The following EFCAB7 variants were observed in gnomAD, a reference collection of about 807,000 sequenced individuals.
EFCAB7 encodes the protein EF-hand calcium-binding domain-containing protein 7.
Under a neutral mutation model 77.1 loss-of-function variants are expected in EFCAB7, and 66 were observed. The ratio of observed to expected loss-of-function variants is 0.86; its 90% confidence interval spans 0.70 to 1.05. The LOEUF (loss-of-function observed/expected upper bound fraction) is 1.05, where lower values mean the gene tolerates loss of function less well. EFCAB7 is among the 50% of genes least tolerant of loss of function. The pLI is 0.00. For synonymous variants in EFCAB7, 225 were observed against 243.3 expected (o/e 0.92, Z 0.70); for missense variants, 638 against 730.5 (o/e 0.87, Z 1.46).
At chr1:63,582,745 C>T in the EFCAB7 span, among the ~76,000 whole-genome samples, 3 of 152,104 alleles carry the variant, frequency 2.0e-5, no homozygotes, top group Non-Finnish European at 4.4e-5. Context: ...GCTGGGACTA[C>T]GGGTGTATGC....
chr1:63,545,000 C>T (rs1646880054), intron 6 of EFCAB7, among the ~76,000 whole-genome samples: 1 of 149,138 alleles, frequency 6.7e-6, no homozygotes, highest in Non-Finnish European at 1.5e-5. Context: ...CTCACTGCAA[C>T]CTCTGCCTCC....
chr1:63,585,191 A>G, the EFCAB7 span, among the ~76,000 whole-genome samples: 123 of 151,880 alleles, frequency 8.1e-4, 1 homozygote, highest in Admixed American at 2.2e-3. Flanking sequence ...TTTAACAGCT[A>G]CAGGATATTC....
chr1:63,530,854 T>A lies in EFCAB7; in HGVS notation c.188-966T>A, dbSNP rs140245779. Among the ~76,000 whole-genome samples, 13 of 152,356 alleles carry A rather than the reference T, an allele frequency of 8.5e-5. 1 individual carries two copies. The highest frequency in any genetic ancestry group is 1.8e-4 in the Non-Finnish European group (12 of 68,016). ...TTCTTAAATGAATGATTTTCTCATT[T>A]CATTAAGATATTTGTTTTTTAAATT... is the stretch of plus-strand genomic sequence containing the variant. On this transcript the variant is annotated intron_variant, in intron 2 of 13. Coordinates refer to ENST00000371088, the MANE Select transcript of EFCAB7 (RefSeq NM_032437.4).
intron 10 of EFCAB7, among the ~76,000 whole-genome samples, chr1:63,557,532 G>A (rs79209852): frequency 0.021 from 3,245 of 152,104 alleles, 122 homozygotes; most frequent in African/African-American, 0.074. Context: ...TTGTCCTTGC[G>A]CTTGATACCA....
At chr1:63,585,124 A>G in the EFCAB7 span, among the ~76,000 whole-genome samples, 1 of 151,342 alleles carries the variant, frequency 6.6e-6, no homozygotes, top group East Asian at 1.9e-4. Flanking sequence ...AGAAACATCT[A>G]GGCATGAAGA....
chr1:63,557,119 C>G lies in EFCAB7; in HGVS notation c.1220C>G (p.Thr407Ser). The G allele has an allele frequency of 6.3e-7, 1 of 1,576,338 alleles. No individual in the cohort carries two copies. The highest frequency in any genetic ancestry group is 8.6e-7 in the Non-Finnish European group (1 of 1,165,262). The change falls in exon 10 of 14, where the codon ACT becomes AGT. Residue 407 changes from threonine (T) to serine (S), a missense_variant. Physicochemically the swap from Thr to Ser is moderately conservative, Grantham distance 58. Coordinates refer to ENST00000371088, the MANE Select transcript of EFCAB7 (RefSeq NM_032437.4). ...AGCTATTTTTATAATTTTAGGTCTA[C>G]TTTATCAGATATATTTGAAGTAATT... ...ELFLTKEFKS[T>S]LSDIFEVIDL... is the part of the protein sequence containing the mutation.
intron 8 of EFCAB7, among the ~76,000 whole-genome samples, chr1:63,553,929 G>C (rs1008589962): frequency 6.6e-6 from 1 of 152,062 alleles, no homozygotes; most frequent in Non-Finnish European, 1.5e-5. Context: ...TGAACTCCTG[G>C]GTGAAAATGA....
chr1:63,562,808 T>C (rs1195235528), intron 11 of EFCAB7, among the ~76,000 whole-genome samples: 2 of 152,096 alleles, frequency 1.3e-5, no homozygotes, highest in Non-Finnish European at 2.9e-5. Flanking sequence ...TACATTTGTT[T>C]ATACTCTTAA....
chr1:63,528,067 C>T (rs1255236761), intron 2 of EFCAB7: 1 of 152,196 alleles, frequency 6.6e-6, no homozygotes, highest in Non-Finnish European at 1.5e-5. Context: ...ATCTAGCATC[C>T]TACTGCTTGG....
intron 8 of EFCAB7, 83 bp from the exon 9 acceptor site, chr1:63,555,275 T>TC: frequency 7.0e-7 from 1 of 1,426,388 alleles, no homozygotes; most frequent in South Asian, 1.5e-5. Context: ...TGTGTCCCTT[T>TC]CAGAAGAAAT....
At position 63,534,101 on chromosome 1, in the gene EFCAB7, C is replaced by A; in HGVS notation, c.689C>A (p.Thr230Asn). Residue 230 changes from threonine (T) to asparagine (N), a missense_variant, in exon 6 of 14, where the codon ACC (threonine) becomes AAC (asparagine). Coordinates refer to ENST00000371088, the MANE Select transcript of EFCAB7 (RefSeq NM_032437.4). ...TAATCATTACTTGTTGCAGGTGACA[C>A]CAGGAGTTCTTTACTGTCAGCAACC... ...DPETFLNKGDTRSSLLSATRK... is the reference protein window; with the variant it reads ...DPETFLNKGDNRSSLLSATRK... 4 of 1,613,142 alleles carry A rather than the reference C, an allele frequency of 2.5e-6. No homozygotes were observed. The highest frequency in any genetic ancestry group is 3.4e-6 in the Non-Finnish European group (4 of 1,179,420).
intron 2 of EFCAB7, chr1:63,529,722 A>G (rs370066326): frequency 2.0e-5 from 3 of 152,004 alleles, no homozygotes; most frequent in Admixed American, 6.5e-5. Context: ...TCAAAAAATA[A>G]TAATAATAAT....
Position 63,559,474 on chromosome 1 carries a change from TTTTG to T in EFCAB7, c.1349-2222_1349-2219del, listed in dbSNP as rs1039013883. On this transcript the variant is annotated intron_variant, in intron 10 of 13. Coordinates refer to ENST00000371088, the MANE Select transcript of EFCAB7 (RefSeq NM_032437.4). Reference sequence around the variant, plus strand: ...TCATAGTTTACATTAGGTTCAGTCTTTTTGTTTGTTTGTTTGAGTCACTGTTAGC... The same window carrying T: ...TCATAGTTTACATTAGGTTCAGTCTTTTTGTTTGTTTGAGTCACTGTTAGC... 3.9e-5 allele frequency among the ~76,000 whole-genome samples: 6 copies of T among 152,180 alleles called. No individual in the cohort carries two copies. The East Asian group carries it at 9.7e-4, about 25-fold the overall frequency.
intron 6 of EFCAB7, among the ~76,000 whole-genome samples, chr1:63,535,901 A>AC (rs1553170399): frequency 6.6e-6 from 1 of 152,178 alleles, no homozygotes; most frequent in East Asian, 1.9e-4. Context: ...CCTCAGAGAC[A>AC]CCATCTAAGA....
At chr1:63,543,489 G>C (rs892575761) in intron 6 of EFCAB7, among the ~76,000 whole-genome samples, 1 of 152,078 alleles carries the variant, frequency 6.6e-6, no homozygotes, top group African/African-American at 2.4e-5. Context: ...TTCTACATAA[G>C]GTCAGTATTA....
At chr1:63,552,882 CTCT>C (rs1477510775) in intron 8 of EFCAB7, among the ~76,000 whole-genome samples, 4 of 152,196 alleles carry the variant, frequency 2.6e-5, no homozygotes, top group Non-Finnish European at 5.9e-5. Flanking sequence ...TTTGACTAAA[CTCT>C]TCTTCAGAAC....
chr1:63,573,500 T>C (rs904028985), downstream of EFCAB7, among the ~76,000 whole-genome samples: 12 of 152,228 alleles, frequency 7.9e-5, no homozygotes, highest in African/African-American at 2.9e-4. Context: ...GCAAAGATTA[T>C]TTGTTTACTT....
chr1:63,556,112 T>C lies in EFCAB7; in HGVS notation c.1214+597T>C, dbSNP rs113538882. On this transcript the variant is annotated intron_variant, in intron 9 of 13. Coordinates refer to ENST00000371088, the MANE Select transcript of EFCAB7 (RefSeq NM_032437.4). ...GAGTGGTTATAGCAGCTGGAAGTAG[T>C]GGGGGGGTTGGGGATATGTTGGTGA... Among the ~76,000 whole-genome samples the C allele has an allele frequency of 6.9e-3, 1,043 of 151,724 alleles. 14 individuals carry two copies. Among genetic ancestry groups the C allele is most frequent in the African/African-American group, 0.024 (978 of 41,374 alleles).
chr1:63,532,643 A>C (rs1343593731), intron 3 of EFCAB7, 27 bp from the exon 4 acceptor site: 1 of 1,564,564 alleles, frequency 6.4e-7, no homozygotes, highest in Middle Eastern at 1.7e-4. Context: ...ATGTTGCTTT[A>C]AAATAAATCT....
Sources: gnomAD v4.1 joint callset for allele counts (sites outside exome capture counted in the v4.1 genomes callset) on GRCh38, gnomAD v4.1.1 for gene constraint, MANE v1.5 for transcripts, NCBI Gene and HGNC (gene_info 2026-07-23, HGNC 2026-07-21) for gene names.